SMAD2: variants seen among roughly 807,000 people sequenced by gnomAD.
The protein encoded by SMAD2 is SMAD family member 2.
In SMAD2, 8 loss-of-function variants were observed where a neutral mutation model predicts 64.4. The observed-to-expected ratio is 0.12, with a 90% CI of 0.07 to 0.22. The LOEUF is 0.22. Among genes scored for constraint, SMAD2 ranks in the 10% least tolerant of loss-of-function variants. The pLI is 1.00. For synonymous variants in SMAD2, 203 were observed against 195.8 expected (o/e 1.04, Z -0.31); for missense variants, 289 against 561.2 (o/e 0.51, Z 4.90).
chr18:47,901,345 T>G (rs1475080323), intron 1 of SMAD2, among the ~76,000 whole-genome samples: 1 of 152,188 alleles, frequency 6.6e-6, no homozygotes, highest in Non-Finnish European at 1.5e-5. Context: ...AGTTAGCATT[T>G]GGATGGTATA....
intron 6 of SMAD2, among the ~76,000 whole-genome samples, chr18:47,854,710 T>C (rs1273585862): frequency 6.6e-6 from 1 of 152,160 alleles, no homozygotes; most frequent in East Asian, 1.9e-4. Flanking sequence ...AAAAAGACTT[T>C]TTTTTTAGAG....
intron 6 of SMAD2, among the ~76,000 whole-genome samples, chr18:47,861,254 G>T (rs2031165430): frequency 1.3e-5 from 2 of 152,064 alleles, no homozygotes; most frequent in Non-Finnish European, 2.9e-5. Flanking sequence ...TACTCAGGAG[G>T]TTCAGGTTAC....
rs752743372 is a variant in SMAD2 at position 47,851,310 on chromosome 18, A to G, written c.748T>C (p.Ser250Pro). The G allele has an allele frequency of 1.2e-6, 2 of 1,610,074 alleles. No individual in the cohort carries two copies. Among genetic ancestry groups the G allele is most frequent in the Non-Finnish European group, 1.7e-6 (2 of 1,176,680 alleles). ...SMDTGSPAEL[S>P]PTTLSPVNHS... ...TTAACAGGGGAAAGAGTAGTAGGAG[A>G]TAGTTCTGCTGGAGAGCCTAAAACA... is the stretch of plus-strand genomic sequence containing the variant. The change falls in exon 7 of 11, where the codon TCT (serine) becomes CCT (proline). Residue 250 changes from serine to proline, a missense_variant. This residue lies in a region of SMAD2 where 119 missense variants were observed against 156.7 expected (regional missense o/e 0.76). Coordinates refer to ENST00000262160, the MANE Select transcript of SMAD2 (RefSeq NM_005901.6).
At chr18:47,845,263 G>A (rs1298737090) in intron 10 of SMAD2, 77 bp downstream of exon 10, 1 of 1,369,052 alleles carries the variant, frequency 7.3e-7, no homozygotes, top group African/African-American at 1.4e-5. Context: ...AGATACAAAT[G>A]AACTCCAGAA....
chr18:47,818,617 A>T lies in SMAD2; in HGVS notation c.*23210T>A, dbSNP rs1235338242. The T allele has an allele frequency of 1.3e-5, 2 of 152,242 alleles. No individual in the cohort carries two copies. The highest frequency in any genetic ancestry group is 4.8e-5 in the African/African-American group (2 of 41,462). 9.4% of individuals were successfully genotyped at this position (152,242 alleles called of 1,614,324 possible). A position where few individuals can be genotyped will look rare whatever the true frequency, so the allele number is the denominator to read the frequency against. Reference sequence around the variant, plus strand: ...AAAAAACCAGAATGGCAAACAAAAGATTTGTTACTAAAAATTCAAGGCCAC... The same window carrying T: ...AAAAAACCAGAATGGCAAACAAAAGTTTTGTTACTAAAAATTCAAGGCCAC... On this transcript the variant is annotated 3_prime_UTR_variant, in exon 11 of 11. Coordinates refer to ENST00000262160, the MANE Select transcript of SMAD2 (RefSeq NM_005901.6).
rs918287025 is a variant in SMAD2, at chr18:47,841,154, A to G, written c.*673T>C. 3 of 170,338 alleles carry G rather than the reference A, an allele frequency of 1.8e-5. No individual in the cohort carries two copies. Among genetic ancestry groups the G allele is most frequent in the Non-Finnish European group, 3.0e-5 (3 of 100,146 alleles). The allele number at this position is 170,338 out of a possible 1,614,324, so 10.6% of individuals were successfully genotyped here. A position where few individuals can be genotyped will look rare whatever the true frequency, so the allele number is the denominator to read the frequency against. On this transcript the variant is annotated 3_prime_UTR_variant, in exon 11 of 11. Coordinates refer to ENST00000262160, the MANE Select transcript of SMAD2 (RefSeq NM_005901.6). The stretch of plus-strand genomic sequence containing the variant: ...AATAAGATTTAGCAGTTAAAAAAAA[A>G]AACAAAAAAAAACAAAAAACCACAA...
chr18:47,886,570 C>CT (rs2032911592), intron 2 of SMAD2, among the ~76,000 whole-genome samples: 23 of 146,806 alleles, frequency 1.6e-4, no homozygotes, highest in African/African-American at 5.7e-4. Flanking sequence ...TATATCTATC[C>CT]ATCTATCTAT....
chr18:47,899,461 T>C (rs1446532821), intron 1 of SMAD2, among the ~76,000 whole-genome samples: 1 of 152,024 alleles, frequency 6.6e-6, no homozygotes, highest in Non-Finnish European at 1.5e-5. Context: ...AAGTGGATGA[T>C]TAGGGAGAAA....
intron 2 of SMAD2, among the ~76,000 whole-genome samples, chr18:47,894,426 C>T (rs559971863): frequency 1.3e-5 from 2 of 152,274 alleles, no homozygotes; most frequent in Admixed American, 1.3e-4. Flanking sequence ...TGAACACTGG[C>T]ACAGCATGAA....
At chr18:47,910,773 G>A (rs951450857) in intron 1 of SMAD2, among the ~76,000 whole-genome samples, 1 of 152,106 alleles carries the variant, frequency 6.6e-6, no homozygotes, top group East Asian at 1.9e-4. Context: ...AGTTTATCAT[G>A]CATGTGACAT....
intron 5 of SMAD2, 32 bp downstream of exon 5, chr18:47,868,291 C>T (rs72661145): frequency 6.3e-7 from 1 of 1,589,604 alleles, no homozygotes; most frequent in Non-Finnish European, 8.6e-7. Flanking sequence ...TGTATCTATC[C>T]AAGTTTTAGG....
At chr18:47,866,265 G>A (rs991650046) in intron 5 of SMAD2, among the ~76,000 whole-genome samples, 10 of 120,762 alleles carry the variant, frequency 8.3e-5, no homozygotes, top group South Asian at 2.8e-4. Context: ...GCGGTGAGCC[G>A]AGATCACACC....
In SMAD2 at chr18:47,820,911, AC is replaced by A. The variant is rs1462956504; in HGVS notation, c.*20915del. On this transcript the variant is annotated 3_prime_UTR_variant, in exon 11 of 11. Coordinates refer to ENST00000262160, the MANE Select transcript of SMAD2 (RefSeq NM_005901.6). ...ACATGCACTATACACACACACACAC[AC>A]ACACACACACACACACACACACACA... The A allele has an allele frequency of 5.5e-5, 2 of 36,476 alleles. No individual in the cohort carries two copies. Among genetic ancestry groups the A allele is most frequent in the East Asian group, 8.8e-3 (2 of 226 alleles). 2.3% of individuals were successfully genotyped at this position (36,476 alleles called of 1,614,324 possible).
At chr18:47,918,013 A>G (rs944889069) in intron 1 of SMAD2, among the ~76,000 whole-genome samples, 1 of 152,242 alleles carries the variant, frequency 6.6e-6, no homozygotes, top group African/African-American at 2.4e-5. Context: ...AAAACCATTG[A>G]TTAACACAGA....
rs1008546504 is a variant in SMAD2 at position 47,824,747 on chromosome 18, T to A, written c.*17080A>T. Reference sequence around the variant, plus strand: ...ATAGACAGTATATTTAAAAAAAACATAAAAAGTATGTCGAACATTTTTAAT... The same window carrying A: ...ATAGACAGTATATTTAAAAAAAACAAAAAAAGTATGTCGAACATTTTTAAT... On this transcript the variant is annotated 3_prime_UTR_variant, in exon 11 of 11. Transcript: ENST00000262160. The A allele has an allele frequency of 2.0e-5, 3 of 152,138 alleles. No homozygotes were observed. Among genetic ancestry groups the A allele is most frequent in the Non-Finnish European group, 2.9e-5 (2 of 67,992 alleles). The allele number at this position is 152,138 out of a possible 1,614,324, so 9.4% of individuals were successfully genotyped here.
intron 5 of SMAD2, 57 bp downstream of exon 5, chr18:47,868,266 C>T: frequency 6.9e-7 from 1 of 1,457,438 alleles, no homozygotes; most frequent in Non-Finnish European, 9.6e-7. Flanking sequence ...AACTTGAATG[C>T]TTATGAACAA....
chr18:47,826,719 C>T lies in SMAD2; in HGVS notation c.*15108G>A, dbSNP rs1285811720. 6.6e-6 allele frequency: 1 copy of T among 152,204 alleles called. No individual in the cohort carries two copies. Among genetic ancestry groups the T allele is most frequent in the Non-Finnish European group, 1.5e-5 (1 of 68,044 alleles). The allele number at this position is 152,204 out of a possible 1,614,324, so 9.4% of individuals were successfully genotyped here. On this transcript the variant is annotated 3_prime_UTR_variant, in exon 11 of 11. Transcript: ENST00000262160. ...CGAGTTACTTTTGCGGCAATAATTG[C>T]TCCAATATGTTCTATGTGACATTTC...
intron 1 of SMAD2, among the ~76,000 whole-genome samples, chr18:47,921,893 G>A (rs1238998733): frequency 1.3e-5 from 2 of 152,160 alleles, no homozygotes; most frequent in Non-Finnish European, 2.9e-5. Context: ...AGAAGAATGG[G>A]CCTAACTTGT....
chr18:47,883,958 G>T (rs2032751765), intron 2 of SMAD2, among the ~76,000 whole-genome samples: 1 of 152,092 alleles, frequency 6.6e-6, no homozygotes, highest in African/African-American at 2.4e-5. Flanking sequence ...AAGCCCAGGT[G>T]CTCCACCTGT....
Sources: allele counts gnomAD v4.1 joint callset (sites outside exome capture counted in the v4.1 genomes callset), GRCh38; gene constraint gnomAD v4.1.1; regional missense constraint gnomAD v4.1.1; transcripts MANE v1.5; gene names NCBI Gene and HGNC (gene_info 2026-07-23, HGNC 2026-07-21).